Variants in KIAA1549L observed in about 807,000 individuals in gnomAD.
KIAA1549L encodes the protein KIAA1549 like.
A neutral mutation model predicts 160.7 loss-of-function variants in KIAA1549L; 88 were observed. That is an observed-to-expected ratio of 0.55 (90% CI 0.46 to 0.65). KIAA1549L has a LOEUF of 0.65. Ranked by LOEUF, KIAA1549L falls within the 30% of genes least tolerant of loss-of-function variation. The pLI is 0.00. For synonymous variants in KIAA1549L, 950 were observed against 976.7 expected (o/e 0.97, Z 0.51); for missense variants, 2,258 against 2,437.5 (o/e 0.93, Z 1.55).
At chr11:33,538,364 A>C (rs961405081) in intron 1 of KIAA1549L, among the ~76,000 whole-genome samples, 15 of 152,226 alleles carry the variant, frequency 9.9e-5, no homozygotes, top group African/African-American at 3.4e-4. Context: ...GAGTACCACC[A>C]GGGATCTCCT....
At chr11:33,634,883 G>T (rs1191362593) in intron 16 of KIAA1549L, among the ~76,000 whole-genome samples, 2 of 152,116 alleles carry the variant, frequency 1.3e-5, no homozygotes, top group Admixed American at 1.3e-4. Context: ...CATAGCCCTG[G>T]AGTGATCGTA....
At chr11:33,568,743 T>G (rs1855142507) in intron 9 of KIAA1549L, among the ~76,000 whole-genome samples, 1 of 152,198 alleles carries the variant, frequency 6.6e-6, no homozygotes. Flanking sequence ...GCTGGAGGAA[T>G]GTAGCAGACA....
At chr11:33,514,008 T>C (rs1310915266) in intron 1 of KIAA1549L, among the ~76,000 whole-genome samples, 1 of 152,162 alleles carries the variant, frequency 6.6e-6, no homozygotes, top group Non-Finnish European at 1.5e-5. Context: ...TCTAAGGAAG[T>C]GAATGACAAA....
At chr11:33,639,954 C>T (rs1395976944) in intron 16 of KIAA1549L, among the ~76,000 whole-genome samples, 4 of 152,098 alleles carry the variant, frequency 2.6e-5, no homozygotes, top group South Asian at 2.1e-4. Context: ...CTAAAAACTC[C>T]ATTTATTAGA....
chr11:33,419,857 TATAC>T (rs60868652), intron 1 of KIAA1549L, among the ~76,000 whole-genome samples: 9,059 of 136,420 alleles, frequency 0.066, 333 homozygotes, highest in African/African-American at 0.11. Context: ...AAAAAAATGT[TATAC>T]ATACATACAT....
rs1554976198 is a variant in KIAA1549L at position 33,430,041 on chromosome 11, T to TCCTCCCTTCCTC, written c.238+53155_238+53156insCCCTTCCTCCCT. On this transcript the variant is annotated intron_variant, in intron 1 of 20. Coordinates refer to ENST00000658780, the MANE Select transcript of KIAA1549L (RefSeq NM_012194.3). The stretch of plus-strand genomic sequence containing the variant: ...TTCCTTCCTTCCTTCCTTCCTTCCT[T>TCCTCCCTTCCTC]CCTTCCTCCCTTCCCTCTCTCCTCC... 1.5e-3 allele frequency among the ~76,000 whole-genome samples: 213 copies of TCCTCCCTTCCTC among 140,500 alleles called. 1 individual carries two copies. The highest frequency in any genetic ancestry group is 2.1e-3 in the Non-Finnish European group (138 of 65,476). The allele number at this position is 140,500 out of a possible 152,430, so 92.2% of individuals were successfully genotyped here.
At chr11:33,635,697 G>T (rs751051417) in intron 16 of KIAA1549L, among the ~76,000 whole-genome samples, 1 of 30,412 alleles carries the variant, frequency 3.3e-5, no homozygotes, top group Admixed American at 3.6e-4. Context: ...ATTCATTTTA[G>T]ACAAAACTGT....
intron 1 of KIAA1549L, chr11:33,403,169 G>A (rs1291050412): frequency 7.0e-6 from 1 of 143,688 alleles, no homozygotes; most frequent in African/African-American, 2.6e-5. Flanking sequence ...GACCCAGCAT[G>A]CGTGTGCATA....
chr11:33,509,433 A>G (rs569771618), intron 1 of KIAA1549L, among the ~76,000 whole-genome samples: 4 of 152,316 alleles, frequency 2.6e-5, no homozygotes, highest in Admixed American at 2.0e-4. Flanking sequence ...GGGATGCTCA[A>G]GAGGTACAAA....
chr11:33,608,342 G>T (rs571289638), intron 14 of KIAA1549L, among the ~76,000 whole-genome samples: 4 of 152,316 alleles, frequency 2.6e-5, no homozygotes, highest in South Asian at 4.1e-4. Flanking sequence ...TACTGTTGTT[G>T]TTATCACCAC....
chr11:33,642,848 A>T (rs1022240288), intron 16 of KIAA1549L, among the ~76,000 whole-genome samples: 2 of 152,212 alleles, frequency 1.3e-5, no homozygotes, highest in African/African-American at 4.8e-5. Context: ...ACTTCTATCT[A>T]TCTAACAAGG....
intron 11 of KIAA1549L, among the ~76,000 whole-genome samples, chr11:33,587,070 AT>A (rs1379933232): frequency 6.6e-6 from 1 of 152,220 alleles, no homozygotes; most frequent in Non-Finnish European, 1.5e-5. Flanking sequence ...AAATGGAGAT[AT>A]AACAATAATC....
chr11:33,583,197 G>A lies in KIAA1549L; in HGVS notation c.4403-141G>A, dbSNP rs562480276. 7.1e-6 allele frequency: 5 copies of A among 708,124 alleles called. No individual in the cohort carries two copies. In the Admixed American group the frequency reaches 8.9e-5, roughly 13 times the overall value. 43.9% of individuals were successfully genotyped at this position (708,124 alleles called of 1,614,324 possible). A position where few individuals can be genotyped will look rare whatever the true frequency, so the allele number is the denominator to read the frequency against. On this transcript the variant is annotated intron_variant, in intron 10 of 20. Transcript: ENST00000658780. ...CCAAGGTCACACAGCTGCGGAGGTG[G>A]AGGCTTTCTAACCCCAAACCCTCTT...
intron 20 of KIAA1549L, among the ~76,000 whole-genome samples, chr11:33,667,660 C>T (rs1036123264): frequency 3.3e-5 from 5 of 152,130 alleles, no homozygotes; most frequent in African/African-American, 9.7e-5. Context: ...TTCCAAAGTG[C>T]CGGGATTACA....
At chr11:33,422,026 C>G (rs1851022209) in intron 1 of KIAA1549L, among the ~76,000 whole-genome samples, 1 of 152,138 alleles carries the variant, frequency 6.6e-6, no homozygotes, top group African/African-American at 2.4e-5. Context: ...TAATTCTCAT[C>G]ATGGCAATTG....
intron 14 of KIAA1549L, among the ~76,000 whole-genome samples, chr11:33,608,484 A>G (rs1027070580): frequency 1.3e-5 from 2 of 152,278 alleles, no homozygotes; most frequent in East Asian, 1.9e-4. Context: ...GCCAGCAGAC[A>G]TGCAAACCCC....
At chr11:33,411,428 G>T (rs1429242774) in intron 1 of KIAA1549L, among the ~76,000 whole-genome samples, 1 of 152,158 alleles carries the variant, frequency 6.6e-6, no homozygotes, top group Non-Finnish European at 1.5e-5. Flanking sequence ...AACTCCACAG[G>T]TGATTGTCAT....
At chr11:33,429,767 C>G (rs1273712637) in intron 1 of KIAA1549L, among the ~76,000 whole-genome samples, 2 of 152,140 alleles carry the variant, frequency 1.3e-5, no homozygotes, top group East Asian at 1.9e-4. Context: ...TGATCTCTCT[C>G]TTTCCCCTAC....
intron 11 of KIAA1549L, among the ~76,000 whole-genome samples, chr11:33,586,026 GTTC>G (rs1849859834): frequency 1.3e-5 from 2 of 152,240 alleles, no homozygotes; most frequent in South Asian, 4.1e-4. Context: ...GCTTACTGCA[GTTC>G]TTCTGCTGTT....
Sources: allele counts gnomAD v4.1 joint callset (sites outside exome capture counted in the v4.1 genomes callset), GRCh38; gene constraint gnomAD v4.1.1; transcripts MANE v1.5; gene names NCBI Gene and HGNC (gene_info 2026-07-23, HGNC 2026-07-21).